Variants in SLC25A34 observed in about 807,000 individuals in gnomAD.
SLC25A34 encodes the protein solute carrier family 25, member 34.
SLC25A34 carries 26 observed loss-of-function variants against 28.1 expected under a neutral mutation model. That is an observed-to-expected ratio of 0.93 (90% CI 0.68 to 1.28). The LOEUF (loss-of-function observed/expected upper bound fraction) is 1.28. Ranked by LOEUF, SLC25A34 falls within the 50% of genes most tolerant of loss-of-function variation. The pLI, the probability that SLC25A34 is intolerant of heterozygous loss-of-function variation, is 0.00. For synonymous variants in SLC25A34, 182 were observed against 182.2 expected (o/e 1.00, Z 0.01); for missense variants, 384 against 409.8 (o/e 0.94, Z 0.54).
In SLC25A34 at chr1:15,741,369, A is replaced by C. The variant is rs1482778286; in HGVS notation, c.*1963A>C. ...GCTACTGCACACTCCAAACCAATAA[A>C]GTTTTATATTTTGTTTACTTCAACG... On this transcript the variant is annotated 3_prime_UTR_variant, in exon 5 of 5. Coordinates refer to ENST00000294454, the MANE Select transcript of SLC25A34 (RefSeq NM_207348.3). 5 of 152,570 alleles carry C rather than the reference A, an allele frequency of 3.3e-5. No homozygotes were observed. The highest frequency in any genetic ancestry group is 1.2e-4 in the African/African-American group (5 of 41,446). The allele number at this position is 152,570 out of a possible 1,614,324, so 9.5% of individuals were successfully genotyped here.
Position 15,737,789 on chromosome 1 carries a change from A to C in SLC25A34, c.379-140A>C, listed in dbSNP as rs964577426. The C allele has an allele frequency of 5.7e-6, 5 of 883,172 alleles. No individual in the cohort carries two copies. In the Admixed American group the frequency reaches 7.0e-5, roughly 12 times the overall value. 54.7% of individuals were successfully genotyped at this position (883,172 alleles called of 1,614,324 possible). A position where few individuals can be genotyped will look rare whatever the true frequency, so the allele number is the denominator to read the frequency against. On this transcript the variant is annotated intron_variant, in intron 1 of 4. Transcript: ENST00000294454. The stretch of plus-strand genomic sequence containing the variant: ...CAGAGCTGCACCTCAACCCTATTTC[A>C]CTTGACCCCTAAGCTTCAGGCTCGG...
chr1:15,738,066 C>A (rs370099080), intron 2 of SLC25A34, 27 bp from the exon 3 acceptor site: 3 of 1,612,438 alleles, frequency 1.9e-6, no homozygotes, highest in Non-Finnish European at 2.5e-6. Context: ...CAGGGGTGGC[C>A]AGTGACCCCG....
chr1:15,738,806 TCACA>T (rs2068252511), intron 4 of SLC25A34, 78 bp downstream of exon 4: 43 of 1,277,450 alleles, frequency 3.4e-5, no homozygotes, highest in Admixed American at 2.4e-4. Context: ...ACACACACTC[TCACA>T]CACTCACACT....
rs926428608 is a variant in SLC25A34 at position 15,741,078 on chromosome 1, G to GGGTGCCCATTGTTCAGTCCA, written c.*1687_*1706dup. 6.6e-6 allele frequency: 1 copy of GGGTGCCCATTGTTCAGTCCA among 152,312 alleles called. No individual in the cohort carries two copies. The highest frequency in any genetic ancestry group is 6.5e-5 in the Admixed American group (1 of 15,282). The allele number at this position is 152,312 out of a possible 1,614,324, so 9.4% of individuals were successfully genotyped here. ...TCCTGACAAGCCTGAAAGAAGCTCC[G>GGGTGCCCATTGTTCAGTCCA]GGTGCCCATTGTTCAGTCCAGGTGC... On this transcript the variant is annotated 3_prime_UTR_variant, in exon 5 of 5. Transcript: ENST00000294454.
chr1:15,739,643 C>T lies in SLC25A34; in HGVS notation c.*237C>T, dbSNP rs777259282. On this transcript the variant is annotated 3_prime_UTR_variant, in exon 5 of 5. Transcript: ENST00000294454. Reference sequence around the variant, plus strand: ...ACAGTTCTCTTCCTTCTCTGTACTGCGTACTGGGTCACCACATCCCAGAGC... The same window carrying T: ...ACAGTTCTCTTCCTTCTCTGTACTGTGTACTGGGTCACCACATCCCAGAGC... 6 of 412,944 alleles carry T rather than the reference C, an allele frequency of 1.5e-5. No homozygotes were observed. Among genetic ancestry groups the T allele is most frequent in the South Asian group, 1.5e-4 (2 of 13,220 alleles). The allele number at this position is 412,944 out of a possible 1,614,324, so 25.6% of individuals were successfully genotyped here.
At chr1:15,737,073 C>A (rs2068232399) in intron 1 of SLC25A34, among the ~76,000 whole-genome samples, 2 of 152,188 alleles carry the variant, frequency 1.3e-5, no homozygotes, top group Non-Finnish European at 2.9e-5. Context: ...GCGGTCCCTG[C>A]CCCACTGGTC....
chr1:15,740,054 G>A lies in SLC25A34; in HGVS notation c.*648G>A, dbSNP rs1458385850. On this transcript the variant is annotated 3_prime_UTR_variant, in exon 5 of 5. Transcript: ENST00000294454. ...AAAGAACCACAGACTGGGCGACTTA[G>A]ACAATAGAAATGTATTTTCTCACAG... The A allele has an allele frequency of 6.6e-6, 1 of 152,226 alleles. No individual in the cohort carries two copies. Among genetic ancestry groups the A allele is most frequent in the Non-Finnish European group, 1.5e-5 (1 of 68,054 alleles). The allele number at this position is 152,226 out of a possible 1,614,324, so 9.4% of individuals were successfully genotyped here.
rs898629504 is a variant in SLC25A34 at position 15,740,698 on chromosome 1, C to CT, written c.*1301dup. Reference sequence around the variant, plus strand: ...GGGGCCGCAGTTCAGCCAACATCATCTTTTTTTTTGAGATGGAGTCTCGCT... The same window carrying CT: ...GGGGCCGCAGTTCAGCCAACATCATCTTTTTTTTTTGAGATGGAGTCTCGCT... On this transcript the variant is annotated 3_prime_UTR_variant, in exon 5 of 5. Coordinates refer to ENST00000294454, the MANE Select transcript of SLC25A34 (RefSeq NM_207348.3). 26 of 151,676 alleles carry CT rather than the reference C, an allele frequency of 1.7e-4. No homozygotes were observed. The highest frequency in any genetic ancestry group is 3.4e-3 in the Middle Eastern group (1 of 294). 9.4% of individuals were successfully genotyped at this position (151,676 alleles called of 1,614,324 possible).
Position 15,739,417 on chromosome 1 carries a change from T to G in SLC25A34, c.*11T>G, listed in dbSNP as rs200069227. On this transcript the variant is annotated 3_prime_UTR_variant, in exon 5 of 5. Transcript: ENST00000294454. The stretch of plus-strand genomic sequence containing the variant: ...CACAAGGGCACCTAGACGACGGCCC[T>G]CACCCCCACGTCCTGACACGGCCGG... The G allele has an allele frequency of 4.0e-6, 6 of 1,498,486 alleles. No homozygotes were observed. In the African/African-American group the frequency reaches 8.5e-5, roughly 21 times the overall value. The allele number at this position is 1,498,486 out of a possible 1,614,324, so 92.8% of individuals were successfully genotyped here. A position where few individuals can be genotyped will look rare whatever the true frequency, so the allele number is the denominator to read the frequency against.
intron 4 of SLC25A34, 71 bp downstream of exon 4, chr1:15,738,799 CA>C: frequency 7.1e-7 from 1 of 1,409,698 alleles, no homozygotes; most frequent in Non-Finnish European, 9.3e-7. Context: ...CACACACACA[CA>C]CACTCTCACA....
chr1:15,737,870 A>AGCTCACCCTG, intron 1 of SLC25A34, 59 bp from the exon 2 acceptor site: 1 of 1,599,398 alleles, frequency 6.3e-7, no homozygotes, highest in Non-Finnish European at 8.6e-7. Context: ...CAACACACAC[A>AGCTCACCCTG]GCTCACCCTG....
Position 15,736,582 on chromosome 1 carries a change from C to A in SLC25A34, c.97C>A (p.Arg33=). 6.6e-7 allele frequency: 1 copy of A among 1,521,980 alleles called. No homozygotes were observed. The allele number at this position is 1,521,980 out of a possible 1,614,324, so 94.3% of individuals were successfully genotyped here. Residue 33 remains arginine (R), a synonymous_variant, in exon 1 of 5, where the codon CGG becomes AGG. Coordinates refer to ENST00000294454, the MANE Select transcript of SLC25A34 (RefSeq NM_207348.3). ...CAACCCCCTGGAGGTGGTGAAGACGCGGCTGCAGCTGCAGGGGGAGCTGCA... is the reference window on the plus strand; with the variant it reads ...CAACCCCCTGGAGGTGGTGAAGACGAGGCTGCAGCTGCAGGGGGAGCTGCA... The part of the protein sequence containing the change: ...FTNPLEVVKT[R]LQLQGELQAR...
At chr1:15,738,491 T>C in intron 3 of SLC25A34, 103 bp from the exon 4 acceptor site, 1 of 1,487,022 alleles carries the variant, frequency 6.7e-7, no homozygotes, top group African/African-American at 1.4e-5. Context: ...TCTGCTCCCC[T>C]TTCTGTAGCC....
chr1:15,737,350 C>G (rs1003248340), intron 1 of SLC25A34, among the ~76,000 whole-genome samples: 1 of 152,180 alleles, frequency 6.6e-6, no homozygotes, highest in African/African-American at 2.4e-5. Context: ...GGGCAGATCA[C>G]CTGAGGTCAG....
At chr1:15,737,495 A>G (rs1287399537) in intron 1 of SLC25A34, among the ~76,000 whole-genome samples, 2 of 151,970 alleles carry the variant, frequency 1.3e-5, no homozygotes, top group African/African-American at 4.8e-5. Context: ...ACTTGAGCCC[A>G]GTTGGCAGAG....
chr1:15,736,455 C>G lies in SLC25A34; in HGVS notation c.-31C>G. ...ACAGGGCCTGTGCCGTGCCCCTGAC[C>G]CGGGCACAGAAGGCCACTGGCCCGG... On this transcript the variant is annotated 5_prime_UTR_variant, in exon 1 of 5. Transcript: ENST00000294454. 1 of 1,423,964 alleles carries G rather than the reference C, an allele frequency of 7.0e-7. No individual in the cohort carries two copies. The highest frequency in any genetic ancestry group is 9.2e-7 in the Non-Finnish European group (1 of 1,091,462). 88.2% of individuals were successfully genotyped at this position (1,423,964 alleles called of 1,614,324 possible).
At position 15,736,865 on chromosome 1, in the gene SLC25A34, T is replaced by G; in HGVS notation, c.378+2T>G. 6.5e-7 allele frequency: 1 copy of G among 1,540,362 alleles called. No individual in the cohort carries two copies. The highest frequency in any genetic ancestry group is 1.2e-5 in the South Asian group (1 of 81,156). On this transcript the variant is annotated splice_donor_variant, in intron 1 of 4. Transcript: ENST00000294454. LOFTEE classifies it high-confidence loss of function. ...TTCGTGGGGAGCCCTGCTTACCTGG[T>G]GAGTGGCTTGTCTCCATCGTCCACC...
intron 3 of SLC25A34, 50 bp from the exon 4 acceptor site, chr1:15,738,543 TG>T (rs2068248262): frequency 1.9e-6 from 3 of 1,570,380 alleles, no homozygotes; most frequent in Non-Finnish European, 2.6e-6. Flanking sequence ...GGGCACGACG[TG>T]GGTGGGTAGA....
chr1:15,739,279 G>GC lies in SLC25A34; in HGVS notation c.793dup (p.Leu265ProfsTer59). ...ATGGTGAAGATCTGGCGGCAGGAGGGCCCCCTGGCACTCTACAAGGGCCTG... is the reference window on the plus strand; with the variant it reads ...ATGGTGAAGATCTGGCGGCAGGAGGGCCCCCCTGGCACTCTACAAGGGCCTG... On this transcript the variant is annotated frameshift_variant, in exon 5 of 5. Coordinates refer to ENST00000294454, the MANE Select transcript of SLC25A34 (RefSeq NM_207348.3). LOFTEE classifies it high-confidence loss of function. 1 of 1,611,898 alleles carries GC rather than the reference G, an allele frequency of 6.2e-7. No individual in the cohort carries two copies. Among genetic ancestry groups the GC allele is most frequent in the Non-Finnish European group, 8.5e-7 (1 of 1,179,310 alleles).
Sources: gnomAD v4.1 joint callset for allele counts (sites outside exome capture counted in the v4.1 genomes callset) on GRCh38, gnomAD v4.1.1 for gene constraint, MANE v1.5 for transcripts, NCBI Gene and HGNC (gene_info 2026-07-23, HGNC 2026-07-21) for gene names.